Variants in IHO1 observed in about 807,000 individuals in gnomAD.
The protein encoded by IHO1 is interactor of HORMAD1 1, also known as interactor of HORMAD1 protein 1.
A neutral mutation model predicts 31.0 loss-of-function variants in IHO1; 13 were observed. The ratio of observed to expected loss-of-function variants is 0.42; its 90% CI spans 0.27 to 0.67. The LOEUF is 0.67. Among genes scored for constraint, IHO1 ranks in the 30% least tolerant of loss-of-function variants. IHO1 has a pLI of 0.24. For synonymous variants in IHO1, 221 were observed against 248.4 expected (o/e 0.89, Z 1.04); for missense variants, 599 against 687.5 (o/e 0.87, Z 1.44).
intron 2 of IHO1, among the ~76,000 whole-genome samples, chr3:49,234,326 C>T (rs757498691): frequency 4.0e-4 from 61 of 151,760 alleles, no homozygotes; most frequent in African/African-American, 4.6e-4. Flanking sequence ...AGGCACACAC[C>T]GCCATGCCCA....
At chr3:49,250,760 AG>A (rs2046750193) in intron 6 of IHO1, among the ~76,000 whole-genome samples, 1 of 152,152 alleles carries the variant, frequency 6.6e-6, no homozygotes, top group Non-Finnish European at 1.5e-5. Flanking sequence ...GGCCAGACAC[AG>A]CAGCTCACGC....
At chr3:49,225,154 C>G (rs2107704417) in intron 2 of IHO1, among the ~76,000 whole-genome samples, 1 of 152,316 alleles carries the variant, frequency 6.6e-6, no homozygotes, top group South Asian at 2.1e-4. Flanking sequence ...GCTATCCCTG[C>G]TCTCTCTGTG....
Position 49,256,621 on chromosome 3 carries a change from C to T in IHO1, c.1124C>T (p.Pro375Leu). ...GCCAAGAACCATGGTTCCAGCGTCC[C>T]AGGCCATAAGATTCCCAGTGACAGG... Reference protein sequence around the residue: ...TGAKNHGSSVPGHKIPSDRDL... With the variant: ...TGAKNHGSSVLGHKIPSDRDL... Residue 375 changes from proline to leucine, a missense_variant, in exon 8 of 8, where the codon CCA becomes CTA. Coordinates refer to ENST00000452691, the MANE Select transcript of IHO1 (RefSeq NM_001135197.2). This position sits in a 1 kb window ranked among gnomAD's most constrained non-coding sequence, Gnocchi z 4.6. The T allele has an allele frequency of 6.2e-7, 1 of 1,614,228 alleles. No homozygotes were observed.
At position 49,257,817 on chromosome 3, in the gene IHO1, T is replaced by C. The variant is rs2046842774; in HGVS notation, c.*535T>C. 6.5e-6 allele frequency: 1 copy of C among 152,922 alleles called. No homozygotes were observed. Among genetic ancestry groups the C allele is most frequent in the South Asian group, 2.1e-4 (1 of 4,834 alleles). The allele number at this position is 152,922 out of a possible 1,614,324, so 9.5% of individuals were successfully genotyped here. A position where few individuals can be genotyped will look rare whatever the true frequency, so the allele number is the denominator to read the frequency against. The stretch of plus-strand genomic sequence containing the variant: ...TTACAGGACACCCTAAATCTTCTTG[T>C]GAACAGAGAAAATAAAATGATAAGC... On this transcript the variant is annotated 3_prime_UTR_variant, in exon 8 of 8. Coordinates refer to ENST00000452691, the MANE Select transcript of IHO1 (RefSeq NM_001135197.2).
At chr3:49,243,528 G>A (rs768300052) in intron 4 of IHO1, among the ~76,000 whole-genome samples, 13 of 151,860 alleles carry the variant, frequency 8.6e-5, no homozygotes, top group Non-Finnish European at 1.8e-4. Flanking sequence ...GGAGACCGAG[G>A]CAGGCGGATC....
At chr3:49,194,279 A>G (rs1218065552), upstream of IHO1, among the ~76,000 whole-genome samples, 1 of 122,196 alleles carries the variant, frequency 8.2e-6, no homozygotes, top group Non-Finnish European at 1.6e-5. Context: ...AAAAAAAAAA[A>G]AAAGTACAAA....
At chr3:49,244,538 A>G in intron 5 of IHO1, 86 bp downstream of exon 5, 1 of 1,294,306 alleles carries the variant, frequency 7.7e-7, no homozygotes, top group Non-Finnish European at 1.1e-6. Context: ...TAGTTAATGT[A>G]GAATAGCAAT....
chr3:49,219,578 TTTCTGTGTGTG>T (rs2046327540), intron 2 of IHO1, among the ~76,000 whole-genome samples: 1 of 152,202 alleles, frequency 6.6e-6, no homozygotes, highest in Admixed American at 6.5e-5. Context: ...ACACTCTATA[TTTCTGTGTGTG>T]TGTCTTTAAT....
intron 6 of IHO1, among the ~76,000 whole-genome samples, chr3:49,249,816 A>G (rs2046739221): frequency 6.6e-6 from 1 of 152,196 alleles, no homozygotes; most frequent in Admixed American, 6.6e-5. Flanking sequence ...ATCTTATACA[A>G]GGAGGCTGCC....
At chr3:49,196,085 G>T (rs1046107179), upstream of IHO1, among the ~76,000 whole-genome samples, 9 of 151,146 alleles carry the variant, frequency 6.0e-5, no homozygotes, top group East Asian at 2.0e-4. Flanking sequence ...AACACAAAAA[G>T]AAATTAGTTG....
intron 2 of IHO1, chr3:49,214,017 C>G (rs577116097): frequency 2.8e-6 from 1 of 356,112 alleles, no homozygotes; most frequent in South Asian, 2.0e-5. Context: ...ACAGACTCTT[C>G]TTCTCTTCAT....
rs1268818717 is a variant in IHO1 at position 49,211,832 on chromosome 3, T to A, written c.52T>A (p.Ser18Thr). 3.2e-6 allele frequency: 5 copies of A among 1,565,058 alleles called. No homozygotes were observed. Among genetic ancestry groups the A allele is most frequent in the Non-Finnish European group, 8.8e-7 (1 of 1,135,796 alleles). ...IKEMLSIPSGSGNKKSSNWNN... is the reference protein window; with the variant it reads ...IKEMLSIPSGTGNKKSSNWNN... ...AGAGATGCTCAGTATTCCTTCAGGC[T>A]CTGGGTAAGTTTTCTGGTTATATTG... The change falls in exon 2 of 8, where the codon TCT (serine) becomes ACT (threonine). Residue 18 changes from serine to threonine, a missense_variant. Physicochemically the swap from Ser to Thr is moderately conservative, Grantham distance 58 (BLOSUM62 1). Transcript: ENST00000452691.
intron 2 of IHO1, among the ~76,000 whole-genome samples, chr3:49,227,389 G>A (rs1044756749): frequency 2.6e-5 from 4 of 152,004 alleles, no homozygotes; most frequent in African/African-American, 4.8e-5. Flanking sequence ...AGACAAAACC[G>A]CCCATGGTTT....
At chr3:49,227,163 T>A (rs543890328) in intron 2 of IHO1, among the ~76,000 whole-genome samples, 3 of 152,350 alleles carry the variant, frequency 2.0e-5, no homozygotes, top group Middle Eastern at 3.4e-3. Context: ...CCATTTGCCT[T>A]CACTCTTACA....
intron 2 of IHO1, among the ~76,000 whole-genome samples, chr3:49,212,715 G>T (rs998476206): frequency 5.4e-4 from 82 of 152,246 alleles, no homozygotes; most frequent in Non-Finnish European, 2.8e-4. Flanking sequence ...TCTTCCTTCT[G>T]GTGGGTTTGG....
chr3:49,242,981 G>A (rs1241506848), intron 4 of IHO1, among the ~76,000 whole-genome samples: 1 of 152,054 alleles, frequency 6.6e-6, no homozygotes, highest in Non-Finnish European at 1.5e-5. Context: ...TTGTTGTACA[G>A]ATTATTTCAT....
intron 1 of IHO1, among the ~76,000 whole-genome samples, chr3:49,201,003 G>GATT (rs2046062620): frequency 6.7e-6 from 1 of 149,700 alleles, no homozygotes; most frequent in South Asian, 2.1e-4. Context: ...ACAGTTTTTT[G>GATT]TTTTTTTTGA....
chr3:49,234,304 G>T (rs1220003523), intron 2 of IHO1, among the ~76,000 whole-genome samples: 4 of 151,030 alleles, frequency 2.6e-5, no homozygotes, highest in African/African-American at 7.3e-5. Context: ...TCCTGATTAG[G>T]TGGGACTGTA....
At chr3:49,241,006 C>T (rs1046228833) in intron 3 of IHO1, among the ~76,000 whole-genome samples, 6 of 152,122 alleles carry the variant, frequency 3.9e-5, no homozygotes, top group African/African-American at 1.2e-4. Flanking sequence ...TTTAAAATAT[C>T]TCTGGGCTGG....
Sources: allele counts gnomAD v4.1 joint callset (sites outside exome capture counted in the v4.1 genomes callset), GRCh38; gene constraint gnomAD v4.1.1; non-coding constraint Gnocchi (gnomAD v3.1); transcripts MANE v1.5; gene names NCBI Gene and HGNC (gene_info 2026-07-23, HGNC 2026-07-21).